Variants in RYR1 observed in about 807,000 individuals in gnomAD.
The protein encoded by RYR1 is ryanodine receptor 1.
A neutral mutation model predicts 583.5 loss-of-function variants in RYR1; 342 were observed. The ratio of observed to expected loss-of-function variants is 0.59; its 90% CI spans 0.54 to 0.64. The LOEUF is 0.64. Ranked by LOEUF, RYR1 falls within the 30% of genes least tolerant of loss-of-function variation. The pLI is 0.00. For missense variants in RYR1, 6,032 were observed against 6,917.2 expected, an observed-to-expected ratio of 0.87 and a Z score of 4.54; for synonymous variants, 2,791 against 2,822.5, an observed-to-expected ratio of 0.99 and a Z score of 0.35.
Position 38,566,952 on chromosome 19 carries a change from CGAGCCGGAACCAGAGCTG to C in RYR1, c.13488_13505del (p.Pro4497_Glu4502del), listed in dbSNP as rs1568586319. 1.9e-6 allele frequency: 3 copies of C among 1,605,510 alleles called. No homozygotes were observed. Among genetic ancestry groups the C allele is most frequent in the African/African-American group, 1.3e-5 (1 of 74,796 alleles). The stretch of plus-strand genomic sequence containing the variant: ...AGGAGCTCCCGCCAGAGCCAGAGCC[CGAGCCGGAACCAGAGCTG>C]GAGCCGGAGAAAGCCGAGTGAGTGG... On this transcript the variant is annotated inframe_deletion, in exon 92 of 106. Coordinates refer to ENST00000359596, the MANE Select transcript of RYR1 (RefSeq NM_000540.3).
chr19:38,504,074 T>C (rs928061844), intron 49 of RYR1, 146 bp from the exon 50 acceptor site: 1 of 883,644 alleles, frequency 1.1e-6, no homozygotes, highest in African/African-American at 1.7e-5. Context: ...ATACCATTTC[T>C]TCCCTTATTA....
At position 38,466,289 on chromosome 19, in the gene RYR1, C is replaced by T. The variant is rs2145447251; in HGVS notation, c.3069C>T (p.Tyr1023=). The part of the protein sequence containing the change: ...PARRNPRLVP[Y]RLLDEATKRS... ...GCCGAAACCCTCGGCTGGTGCCCTA[C>T]CGCCTGCTGGATGAAGCCACCAAGC... is the stretch of plus-strand genomic sequence containing the variant. Residue 1023 remains tyrosine, a synonymous_variant, in exon 24 of 106, where the codon TAC becomes TAT. Coordinates refer to ENST00000359596, the MANE Select transcript of RYR1 (RefSeq NM_000540.3). The T allele has an allele frequency of 6.2e-7, 1 of 1,612,292 alleles. No individual in the cohort carries two copies. Among genetic ancestry groups the T allele is most frequent in the Non-Finnish European group, 8.5e-7 (1 of 1,179,638 alleles).
rs779551357 is a variant in RYR1 at position 38,455,675 on chromosome 19, A to C, written c.1715A>C (p.Glu572Ala). 185 of 1,613,822 alleles carry C rather than the reference A, an allele frequency of 1.1e-4. No individual in the cohort carries two copies. The highest frequency in any genetic ancestry group is 1.4e-4 in the Non-Finnish European group (167 of 1,179,934). Reference protein sequence around the residue: ...VLYCVLIESPEVLNIIQENHI... With the variant: ...VLYCVLIESPAVLNIIQENHI... ...TACTGTGTCCTCATTGAGAGTCCAG[A>C]GGTTCTGAACATCATCCAGGAGAAT... Residue 572 changes from glutamate to alanine, a missense_variant, in exon 16 of 106, where the codon GAG (glutamate) becomes GCG (alanine). Physicochemically the swap from Glu to Ala is moderately radical, Grantham distance 107. Around this residue, in one of 11 missense-constraint regions of RYR1, gnomAD observed 2,627 missense variants for 2,961.3 expected, o/e 0.89. Coordinates refer to ENST00000359596, the MANE Select transcript of RYR1 (RefSeq NM_000540.3).
chr19:38,485,048 A>G (rs2145539116), intron 33 of RYR1, among the ~76,000 whole-genome samples: 1 of 152,048 alleles, frequency 6.6e-6, no homozygotes, highest in East Asian at 1.9e-4. Context: ...TATAACAAAC[A>G]AAAGCAGAAA....
At chr19:38,577,196 C>T (rs553837562) in intron 97 of RYR1, among the ~76,000 whole-genome samples, 9 of 152,156 alleles carry the variant, frequency 5.9e-5, no homozygotes, top group African/African-American at 1.9e-4. Context: ...GATTGCCTGC[C>T]TTTCTATTTC....
At chr19:38,486,282 CCT>C in intron 34 of RYR1, 80 bp downstream of exon 34, 1 of 1,543,974 alleles carries the variant, frequency 6.5e-7, no homozygotes, top group South Asian at 1.1e-5. Flanking sequence ...CATCAATCCT[CCT>C]CTATTTATGC....
intron 58 of RYR1, among the ~76,000 whole-genome samples, chr19:38,508,447 C>T (rs1416185029): frequency 2.6e-5 from 4 of 152,158 alleles, no homozygotes; most frequent in Admixed American, 6.5e-5. Flanking sequence ...CTCTCGACCT[C>T]GTGATCTGCC....
At chr19:38,466,832 C>T (rs764282978) in intron 24 of RYR1, among the ~76,000 whole-genome samples, 3 of 152,096 alleles carry the variant, frequency 2.0e-5, no homozygotes, top group Non-Finnish European at 4.4e-5. Context: ...ATCGAGCAGA[C>T]TGACCAGGAG....
At chr19:38,476,476 C>A (rs923886563) in intron 29 of RYR1, among the ~76,000 whole-genome samples, 12 of 152,122 alleles carry the variant, frequency 7.9e-5, no homozygotes, top group Non-Finnish European at 1.2e-4. Context: ...GGATTACAGG[C>A]ATGAGCCACC....
chr19:38,563,271 T>C (rs139046085), intron 90 of RYR1, among the ~76,000 whole-genome samples: 2 of 152,146 alleles, frequency 1.3e-5, no homozygotes, highest in East Asian at 3.9e-4. Flanking sequence ...CACTACGGTG[T>C]TGTTGTTGTT....
intron 63 of RYR1, among the ~76,000 whole-genome samples, chr19:38,513,259 C>T (rs1026340148): frequency 1.3e-5 from 2 of 151,908 alleles, no homozygotes; most frequent in Non-Finnish European, 2.9e-5. Flanking sequence ...ATTGCTTGAA[C>T]CCAGGAGGCG....
chr19:38,508,150 T>C (rs1970563711), intron 58 of RYR1, among the ~76,000 whole-genome samples: 1 of 152,074 alleles, frequency 6.6e-6, no homozygotes, highest in Non-Finnish European at 1.5e-5. Context: ...GGATTGGGAG[T>C]GTGGAGCCAG....
intron 96 of RYR1, 70 bp from the exon 97 acceptor site, chr19:38,575,849 C>T (rs1470440363): frequency 9.8e-6 from 15 of 1,525,940 alleles, no homozygotes; most frequent in Non-Finnish European, 1.3e-5. Flanking sequence ...CCAACCCTGT[C>T]GTGGCTGACA....
At chr19:38,442,193 G>A (rs1238383048) in intron 2 of RYR1, among the ~76,000 whole-genome samples, 156 bp from the exon 3 acceptor site, 1 of 151,300 alleles carries the variant, frequency 6.6e-6, no homozygotes, top group Non-Finnish European at 1.5e-5. Context: ...TGTGTCTGAG[G>A]GGGATGGCAG....
intron 38 of RYR1, among the ~76,000 whole-genome samples, chr19:38,493,548 C>A (rs1969657182): frequency 6.8e-6 from 1 of 147,096 alleles, no homozygotes; most frequent in Admixed American, 6.8e-5. Context: ...CAGGGTCTCA[C>A]TGCGTCGCCC....
Position 38,527,684 on chromosome 19 carries a change from T to G in RYR1, c.10724T>G (p.Leu3575Arg). Residue 3575 changes from leucine (L) to arginine (R), a missense_variant, in exon 73 of 106, where the codon CTG becomes CGG. Physicochemically the swap from Leu to Arg is moderately radical, Grantham distance 102. Around this residue, in one of 11 missense-constraint regions of RYR1, gnomAD observed 1,493 missense variants for 1,715.5 expected, o/e 0.87. Transcript: ENST00000359596. ...GSPSLRWQMA[L>R]YRGVPGREED... The stretch of plus-strand genomic sequence containing the variant: ...CCGTCTCTGCGCTGGCAGATGGCTC[T>G]GTACCGGGGCGTCCCGGGTCGCGAG... The G allele has an allele frequency of 1.2e-6, 2 of 1,614,164 alleles. No homozygotes were observed. Among genetic ancestry groups the G allele is most frequent in the Non-Finnish European group, 1.7e-6 (2 of 1,180,028 alleles).
chr19:38,563,492 T>C (rs1973247662), intron 90 of RYR1, among the ~76,000 whole-genome samples: 1 of 152,238 alleles, frequency 6.6e-6, no homozygotes. Flanking sequence ...CTTGAACTCC[T>C]GACCTCAGGT....
Position 38,512,467 on chromosome 19 carries a change from C to G in RYR1, c.9456C>G (p.Phe3152Leu), listed in dbSNP as rs369206584. 1 of 1,612,112 alleles carries G rather than the reference C, an allele frequency of 6.2e-7. No individual in the cohort carries two copies. The highest frequency in any genetic ancestry group is 1.3e-5 in the African/African-American group (1 of 75,054). Residue 3152 changes from phenylalanine to leucine, a missense_variant, in exon 63 of 106, where the codon TTC (phenylalanine) becomes TTG (leucine). Phe to Leu is a conservative substitution (Grantham distance 22). Coordinates refer to ENST00000359596, the MANE Select transcript of RYR1 (RefSeq NM_000540.3). This position sits in a 1 kb window ranked among gnomAD's most constrained non-coding sequence, Gnocchi z 5.1. ...TCCAGCACATCGCCCAGCACCAGTT[C>G]GGAGATGACGTCATCCGTAAGGGCG... Reference protein sequence around the residue: ...TLFQHIAQHQFGDDVILDDVQ... With the variant: ...TLFQHIAQHQLGDDVILDDVQ...
chr19:38,472,459 A>G (rs760628399), intron 27 of RYR1, among the ~76,000 whole-genome samples: 2 of 152,216 alleles, frequency 1.3e-5, no homozygotes, highest in Admixed American at 1.3e-4. Flanking sequence ...ACAGAGTCCA[A>G]TTAACAAGAG....
Sources: gnomAD v4.1 joint callset for allele counts (sites outside exome capture counted in the v4.1 genomes callset) on GRCh38, gnomAD v4.1.1 for gene constraint, gnomAD v4.1.1 regional missense constraint, Gnocchi (gnomAD v3.1) non-coding constraint, MANE v1.5 for transcripts, NCBI Gene and HGNC (gene_info 2026-07-23, HGNC 2026-07-21) for gene names.